Variants in IPPK observed in about 807,000 individuals in gnomAD.
IPPK encodes the protein IPK1 homolog.
IPPK carries 22 observed loss-of-function variants against 64.6 expected under a neutral mutation model. That is an observed-to-expected ratio of 0.34 (90% CI 0.24 to 0.49). IPPK has a LOEUF of 0.49. IPPK is among the 20% of genes least tolerant of loss of function. IPPK has a pLI of 0.99. For synonymous variants in IPPK, 262 were observed against 247.2 expected (o/e 1.06, Z -0.56); for missense variants, 532 against 630.7 (o/e 0.84, Z 1.68).
At position 92,614,135 on chromosome 9, in the gene IPPK, C is replaced by A. The variant is rs1400888685; in HGVS notation, c.*1697G>T. ...AGCCCTGTCTGGGCCCTGTGCTAGGCAATAACTCTTGCAGCCCTGAAGGAC... is the reference window on the plus strand; with the variant it reads ...AGCCCTGTCTGGGCCCTGTGCTAGGAAATAACTCTTGCAGCCCTGAAGGAC... On this transcript the variant is annotated 3_prime_UTR_variant, in exon 13 of 13. Coordinates refer to ENST00000287996, the MANE Select transcript of IPPK (RefSeq NM_022755.6). 1 of 152,286 alleles carries A rather than the reference C, an allele frequency of 6.6e-6. No homozygotes were observed. The highest frequency in any genetic ancestry group is 1.5e-5 in the Non-Finnish European group (1 of 68,114). The allele number at this position is 152,286 out of a possible 1,614,324, so 9.4% of individuals were successfully genotyped here. A position where few individuals can be genotyped will look rare whatever the true frequency, so the allele number is the denominator to read the frequency against.
At chr9:92,618,233 G>A in intron 12 of IPPK, 1 of 456,626 alleles carries the variant, frequency 2.2e-6, no homozygotes. Flanking sequence ...CTTTGTGCAG[G>A]ATGGTTCCAG....
chr9:92,627,524 C>T (rs1851755807), intron 11 of IPPK, among the ~76,000 whole-genome samples: 1 of 152,140 alleles, frequency 6.6e-6, no homozygotes, highest in African/African-American at 2.4e-5. Flanking sequence ...GGATTTAGCC[C>T]AGAAATACAA....
At chr9:92,661,751 T>G (rs1488046580) in intron 1 of IPPK, among the ~76,000 whole-genome samples, 1 of 152,244 alleles carries the variant, frequency 6.6e-6, no homozygotes, top group East Asian at 1.9e-4. Context: ...GGAACCGTAG[T>G]CTCAGCCAGT....
chr9:92,635,015 C>A lies in IPPK; in HGVS notation c.1067+143G>T. 1.4e-6 allele frequency: 1 copy of A among 722,342 alleles called. No individual in the cohort carries two copies. 44.7% of individuals were successfully genotyped at this position (722,342 alleles called of 1,614,324 possible). A position where few individuals can be genotyped will look rare whatever the true frequency, so the allele number is the denominator to read the frequency against. On this transcript the variant is annotated intron_variant, in intron 10 of 12. Coordinates refer to ENST00000287996, the MANE Select transcript of IPPK (RefSeq NM_022755.6). This position sits in a 1 kb window ranked among gnomAD's most constrained non-coding sequence, Gnocchi z 4.4. ...CTACATTCCAGAGCAGGCCTGGGCA[C>A]CTGGGAGCGGAGGACTGGGGTAGGA...
intron 1 of IPPK, among the ~76,000 whole-genome samples, chr9:92,661,678 A>T (rs1852487822): frequency 6.6e-6 from 1 of 152,256 alleles, no homozygotes; most frequent in Non-Finnish European, 1.5e-5. Context: ...ATTTCAAGGG[A>T]AACTGCTTTC....
intron 12 of IPPK, chr9:92,616,361 T>G (rs1206284055): frequency 3.6e-6 from 1 of 281,304 alleles, no homozygotes; most frequent in Non-Finnish European, 6.7e-6. Flanking sequence ...GAGAGAGGGT[T>G]AAAGGACTGA....
intron 9 of IPPK, 127 bp downstream of exon 9, chr9:92,637,874 G>T: frequency 9.7e-7 from 1 of 1,029,120 alleles, no homozygotes; most frequent in Non-Finnish European, 1.4e-6. Context: ...GGGAGCCCTG[G>T]CGTAACCAGG....
At chr9:92,618,296 C>A in intron 12 of IPPK, 1 of 456,714 alleles carries the variant, frequency 2.2e-6, no homozygotes, top group South Asian at 1.5e-5. Context: ...TCAGGACATG[C>A]CCTCCCCTCC....
At chr9:92,646,034 A>G (rs1165256370) in intron 6 of IPPK, among the ~76,000 whole-genome samples, 1 of 152,224 alleles carries the variant, frequency 6.6e-6, no homozygotes, top group Non-Finnish European at 1.5e-5. Flanking sequence ...TAAGGTAATA[A>G]TTACAAATCT....
chr9:92,627,784 G>A (rs1035149411), intron 11 of IPPK, among the ~76,000 whole-genome samples: 10 of 152,148 alleles, frequency 6.6e-5, no homozygotes, highest in African/African-American at 2.4e-4. Context: ...ATAAGACCAA[G>A]AACAAATCAG....
chr9:92,658,783 T>A, intron 1 of IPPK, 102 bp from the exon 2 acceptor site: 3 of 1,059,818 alleles, frequency 2.8e-6, no homozygotes, highest in Non-Finnish European at 4.3e-6. Context: ...AAGTCCACAG[T>A]GAAGCTCCAC....
chr9:92,640,910 A>C (rs973689758), intron 7 of IPPK, 128 bp from the exon 8 acceptor site: 1 of 714,324 alleles, frequency 1.4e-6, no homozygotes, highest in Admixed American at 1.9e-5. Context: ...CCAGAGTCCA[A>C]CTAGGTCCAA....
intron 1 of IPPK, among the ~76,000 whole-genome samples, chr9:92,658,901 C>G (rs948881097): frequency 2.0e-5 from 3 of 152,212 alleles, no homozygotes; most frequent in Non-Finnish European, 2.9e-5. Flanking sequence ...GACCAGCCAG[C>G]CCCTCCCAGG....
In IPPK at chr9:92,649,568, C is replaced by T. The variant is rs748520886; in HGVS notation, c.299G>A (p.Arg100His). 1 of 1,613,866 alleles carries T rather than the reference C, an allele frequency of 6.2e-7. No homozygotes were observed. ...GAGAGTATCCAGGTCCTTGTCACAG[C>T]GAGACTCTGGAAAACAGAGCAAGGG... is the stretch of plus-strand genomic sequence containing the variant. ...LKIQSERPES[R>H]CDKDLDTLSG... The change falls in exon 5 of 13, where the codon CGC becomes CAC. Residue 100 changes from arginine (R) to histidine (H), a missense_variant. By Grantham distance (29) the Arg-to-His change is conservative. Transcript: ENST00000287996.
At chr9:92,622,559 T>C (rs1245305518) in intron 11 of IPPK, among the ~76,000 whole-genome samples, 1 of 152,026 alleles carries the variant, frequency 6.6e-6, no homozygotes, top group African/African-American at 2.4e-5. Flanking sequence ...ATCGTGAAAT[T>C]AATATAAGAC....
At chr9:92,628,249 T>C (rs1324824761) in intron 11 of IPPK, among the ~76,000 whole-genome samples, 1 of 152,232 alleles carries the variant, frequency 6.6e-6, no homozygotes, top group African/African-American at 2.4e-5. Context: ...AAAGACTTAC[T>C]ACCCAAGGTG....
intron 6 of IPPK, among the ~76,000 whole-genome samples, chr9:92,645,217 C>T (rs1411651233): frequency 6.6e-6 from 1 of 151,726 alleles, no homozygotes; most frequent in African/African-American, 2.4e-5. Flanking sequence ...ATGGTAAAAC[C>T]CTGTCCTACA....
intron 11 of IPPK, among the ~76,000 whole-genome samples, chr9:92,629,553 A>G (rs999384037): frequency 5.3e-5 from 8 of 152,116 alleles, no homozygotes; most frequent in African/African-American, 1.7e-4. Context: ...GGAGTTCAAG[A>G]CCAGCCTGGG....
chr9:92,652,474 C>T (rs561494732), intron 4 of IPPK, 99 bp downstream of exon 4: 2 of 415,032 alleles, frequency 4.8e-6, no homozygotes, highest in South Asian at 7.6e-5. Flanking sequence ...AAAAGGATTA[C>T]TGAAAAATGC....
Sources: gnomAD v4.1 joint callset for allele counts (sites outside exome capture counted in the v4.1 genomes callset) on GRCh38, gnomAD v4.1.1 for gene constraint, Gnocchi (gnomAD v3.1) non-coding constraint, MANE v1.5 for transcripts, NCBI Gene and HGNC (gene_info 2026-07-23, HGNC 2026-07-21) for gene names.